Variants in B4GALNT2 observed in about 807,000 individuals in gnomAD.
The protein encoded by B4GALNT2 is beta-1,4-N-acetyl-galactosaminyltransferase 2 (SID blood group).
A neutral mutation model predicts 51.1 loss-of-function variants in B4GALNT2; 42 were observed. That is an observed-to-expected ratio of 0.82 (90% CI 0.64 to 1.06). The LOEUF is 1.06. Among genes scored for constraint, B4GALNT2 ranks in the 50% least tolerant of loss-of-function variants. The pLI is 0.00. For missense variants in B4GALNT2, 602 were observed against 633.6 expected, an observed-to-expected ratio of 0.95 and a Z score of 0.54; for synonymous variants, 253 against 251.7, an observed-to-expected ratio of 1.01 and a Z score of -0.05.
At chr17:49,150,075 G>GC (rs1461320979) in intron 3 of B4GALNT2, among the ~76,000 whole-genome samples, 3 of 152,168 alleles carry the variant, frequency 2.0e-5, no homozygotes, top group African/African-American at 7.2e-5. Context: ...AGGTCGGGGG[G>GC]GGTCAGCCCC....
At chr17:49,153,741 C>T (rs1356994207) in intron 4 of B4GALNT2, among the ~76,000 whole-genome samples, 7 of 152,078 alleles carry the variant, frequency 4.6e-5, no homozygotes, top group Admixed American at 3.9e-4. Context: ...TTCCTGACCT[C>T]AAGTGATCTC....
intron 3 of B4GALNT2, among the ~76,000 whole-genome samples, 193 bp downstream of exon 3, chr17:49,142,365 T>G (rs533490228): frequency 1.3e-5 from 2 of 152,236 alleles, no homozygotes; most frequent in African/African-American, 4.8e-5. Flanking sequence ...TACAAAACTT[T>G]GTATGTACAA....
In B4GALNT2 at chr17:49,166,256, T is replaced by C. The variant is rs1464152460; in HGVS notation, c.1095+2T>C. ...CTGGAGAAAACAGAACTGGACGTGG[T>C]AAGGGACAGTTGCCAGTTTCACCCA... On this transcript the variant is annotated splice_donor_variant, in intron 9 of 10. Coordinates refer to ENST00000393354, the MANE Select transcript of B4GALNT2 (RefSeq NM_001159387.2). LOFTEE classifies it high-confidence loss of function. 6.2e-7 allele frequency: 1 copy of C among 1,611,742 alleles called. No individual in the cohort carries two copies. Among genetic ancestry groups the C allele is most frequent in the African/African-American group, 1.3e-5 (1 of 74,216 alleles).
Position 49,175,631 on chromosome 17 carries a change from C to T in B4GALNT2, c.*5903C>T, listed in dbSNP as rs2042982402. The T allele has an allele frequency of 6.6e-6, 1 of 152,158 alleles. No homozygotes were observed. Among genetic ancestry groups the T allele is most frequent in the Non-Finnish European group, 1.5e-5 (1 of 68,054 alleles). 9.4% of individuals were successfully genotyped at this position (152,158 alleles called of 1,614,324 possible). On this transcript the variant is annotated 3_prime_UTR_variant, in exon 11 of 11. Coordinates refer to ENST00000393354, the MANE Select transcript of B4GALNT2 (RefSeq NM_001159387.2). ...ACTACTGGCTGTCGTGGGGGACAGA[C>T]ATTGTACAGGGGTGAGGGAGTGAGC...
intron 5 of B4GALNT2, among the ~76,000 whole-genome samples, chr17:49,157,785 C>T (rs554500949): frequency 6.6e-6 from 1 of 152,278 alleles, no homozygotes; most frequent in South Asian, 2.1e-4. Flanking sequence ...CGTAGTCCTG[C>T]TCTGGACCTG....
At chr17:49,167,123 A>G (rs966145140) in intron 9 of B4GALNT2, among the ~76,000 whole-genome samples, 1 of 152,066 alleles carries the variant, frequency 6.6e-6, no homozygotes, top group African/African-American at 2.4e-5. Flanking sequence ...TCTCTTGGCA[A>G]CTCTTACAGA....
upstream of B4GALNT2, chr17:49,132,548 G>T (rs2144261326): frequency 4.9e-6 from 2 of 408,614 alleles, no homozygotes; most frequent in East Asian, 7.2e-5. Context: ...TGGACGCGGG[G>T]ATTGTGTTTT....
At chr17:49,141,514 A>T in intron 2 of B4GALNT2, 67 bp downstream of exon 2, 1 of 1,511,798 alleles carries the variant, frequency 6.6e-7, no homozygotes. Flanking sequence ...CTCAAGTACC[A>T]TGCCCTACTG....
chr17:49,140,223 C>T (rs1005068380), intron 1 of B4GALNT2, among the ~76,000 whole-genome samples: 1 of 151,872 alleles, frequency 6.6e-6, no homozygotes, highest in Non-Finnish European at 1.5e-5. Context: ...GCCTCAGCCT[C>T]CCGAGTAGCT....
chr17:49,153,866 T>C (rs911680663), intron 4 of B4GALNT2, among the ~76,000 whole-genome samples: 13 of 152,040 alleles, frequency 8.6e-5, no homozygotes, highest in African/African-American at 2.9e-4. Flanking sequence ...TCTCCTTTAG[T>C]AGCCATGACC....
At position 49,176,314 on chromosome 17, in the gene B4GALNT2, CA is replaced by C. The variant is rs1325827868; in HGVS notation, c.*6587del. 6.6e-6 allele frequency: 1 copy of C among 152,224 alleles called. No homozygotes were observed. The highest frequency in any genetic ancestry group is 1.5e-5 in the Non-Finnish European group (1 of 68,036). 9.4% of individuals were successfully genotyped at this position (152,224 alleles called of 1,614,324 possible). A position where few individuals can be genotyped will look rare whatever the true frequency, so the allele number is the denominator to read the frequency against. On this transcript the variant is annotated 3_prime_UTR_variant, in exon 11 of 11. Transcript: ENST00000393354. ...GGGAAATCAGGGGACTCACAGCCTT[CA>C]GAGCTGAAAGCCCCGAACAGAGTTT...
In B4GALNT2 at chr17:49,174,726, C is replaced by A. The variant is rs2042977207; in HGVS notation, c.*4998C>A. On this transcript the variant is annotated 3_prime_UTR_variant, in exon 11 of 11. Coordinates refer to ENST00000393354, the MANE Select transcript of B4GALNT2 (RefSeq NM_001159387.2). ...CTTTACTTAGCAGTCATTGTTCTAT[C>A]CAAATTGGCTCATCTGTTAACCATT... 6.6e-6 allele frequency: 1 copy of A among 152,170 alleles called. No individual in the cohort carries two copies. Among genetic ancestry groups the A allele is most frequent in the Admixed American group, 6.5e-5 (1 of 15,276 alleles). The allele number at this position is 152,170 out of a possible 1,614,324, so 9.4% of individuals were successfully genotyped here. A position where few individuals can be genotyped will look rare whatever the true frequency, so the allele number is the denominator to read the frequency against.
chr17:49,141,527 C>A, intron 2 of B4GALNT2, 80 bp downstream of exon 2: 2 of 1,431,062 alleles, frequency 1.4e-6, no homozygotes, highest in South Asian at 1.2e-5. Flanking sequence ...CCCTACTGTG[C>A]CCATTGTACA....
At position 49,162,912 on chromosome 17, in the gene B4GALNT2, C is replaced by CA. The variant is rs34568226; in HGVS notation, c.767-1153dup. 1.5e-3 allele frequency among the ~76,000 whole-genome samples: 80 copies of CA among 53,632 alleles called. 20 individuals are homozygous for CA. Among genetic ancestry groups the CA allele is most frequent in the East Asian group, 2.0e-3 (3 of 1,478 alleles). 35.2% of individuals were successfully genotyped at this position (53,632 alleles called of 152,430 possible). A position where few individuals can be genotyped will look rare whatever the true frequency, so the allele number is the denominator to read the frequency against. On this transcript the variant is annotated intron_variant, in intron 7 of 10. Coordinates refer to ENST00000393354, the MANE Select transcript of B4GALNT2 (RefSeq NM_001159387.2). Reference sequence around the variant, plus strand: ...TGGGTGACAGAGCCAGAAACTGTCTCAAAAAAAAAAAAAAAAAAAAAAAGG... The same window carrying CA: ...TGGGTGACAGAGCCAGAAACTGTCTCAAAAAAAAAAAAAAAAAAAAAAAAGG...
chr17:49,133,363 G>T (rs2042559084), intron 1 of B4GALNT2: 6 of 895,430 alleles, frequency 6.7e-6, no homozygotes, highest in Middle Eastern at 3.5e-4. Flanking sequence ...GTGAGCTGCG[G>T]TTGTGTGGCC....
At position 49,171,586 on chromosome 17, in the gene B4GALNT2, C is replaced by A. The variant is rs1182874115; in HGVS notation, c.*1858C>A. The A allele has an allele frequency of 1.4e-5, 6 of 418,426 alleles. No homozygotes were observed. Among genetic ancestry groups the A allele is most frequent in the Non-Finnish European group, 2.8e-5 (6 of 215,472 alleles). 25.9% of individuals were successfully genotyped at this position (418,426 alleles called of 1,614,324 possible). On this transcript the variant is annotated 3_prime_UTR_variant, in exon 11 of 11. Transcript: ENST00000393354. Reference sequence around the variant, plus strand: ...CATATCATTTGAGGTTGAGGTGCCACTATACCGCCACGTTTCCAGATAATG... The same window carrying A: ...CATATCATTTGAGGTTGAGGTGCCAATATACCGCCACGTTTCCAGATAATG...
At chr17:49,124,082 A>G in the B4GALNT2 span, among the ~76,000 whole-genome samples, 400 of 152,344 alleles carry the variant, frequency 2.6e-3, no homozygotes, top group African/African-American at 9.3e-3. Flanking sequence ...GGAGTATACT[A>G]AATTGTTAAA....
Position 49,171,632 on chromosome 17 carries a change from T to C in B4GALNT2, c.*1904T>C, listed in dbSNP as rs2042958218. The C allele has an allele frequency of 5.1e-6, 2 of 391,716 alleles. No homozygotes were observed. The highest frequency in any genetic ancestry group is 3.4e-5 in the Admixed American group (1 of 29,306). The allele number at this position is 391,716 out of a possible 1,614,324, so 24.3% of individuals were successfully genotyped here. A position where few individuals can be genotyped will look rare whatever the true frequency, so the allele number is the denominator to read the frequency against. ...TAATGGGAACTCTTGCTGTATTTCT[T>C]ACCATTTCTACCATCTGACTGTTTT... On this transcript the variant is annotated 3_prime_UTR_variant, in exon 11 of 11. Coordinates refer to ENST00000393354, the MANE Select transcript of B4GALNT2 (RefSeq NM_001159387.2).
At chr17:49,151,744 CA>C (rs58844179) in intron 3 of B4GALNT2, among the ~76,000 whole-genome samples, 11,723 of 98,962 alleles carry the variant, frequency 0.12, 743 homozygotes, top group African/African-American at 0.25. Context: ...GACTCTGTCA[CA>C]AAAAAAAAAA....
Sources: allele counts gnomAD v4.1 joint callset (sites outside exome capture counted in the v4.1 genomes callset), GRCh38; gene constraint gnomAD v4.1.1; transcripts MANE v1.5; gene names NCBI Gene and HGNC (gene_info 2026-07-23, HGNC 2026-07-21).